PCGF3: variants seen among roughly 807,000 people sequenced by gnomAD.
PCGF3 encodes polycomb group ring finger 3.
In PCGF3, 7 loss-of-function variants were observed where a neutral mutation model predicts 33.1. The observed-to-expected ratio is 0.21, with a 90% CI of 0.12 to 0.40. PCGF3 has a LOEUF of 0.40. Ranked by LOEUF, PCGF3 falls within the 10% of genes least tolerant of loss-of-function variation. The probability of loss-of-function intolerance (pLI) is 1.00; values close to 1 mark genes in which losing one functional copy is unlikely to be tolerated. For synonymous variants in PCGF3, 153 were observed against 121.3 expected (o/e 1.26, Z -1.72); for missense variants, 211 against 313.3 (o/e 0.67, Z 2.46).
chr4:714,220 G>C (rs1742706237), intron 1 of PCGF3, among the ~76,000 whole-genome samples: 1 of 152,256 alleles, frequency 6.6e-6, no homozygotes, highest in South Asian at 2.1e-4. Context: ...AGAACTGAGA[G>C]GTGCGTTCTG....
At chr4:764,841 T>C in intron 9 of PCGF3, 143 bp from the exon 10 acceptor site, 1 of 620,820 alleles carries the variant, frequency 1.6e-6, no homozygotes. Flanking sequence ...GAGGAATACA[T>C]GAACCAGCCC....
intron 9 of PCGF3, among the ~76,000 whole-genome samples, chr4:763,246 C>T (rs1316878612): frequency 6.6e-6 from 1 of 152,154 alleles, no homozygotes; most frequent in Non-Finnish European, 1.5e-5. Flanking sequence ...TAGCTGGGGA[C>T]AGAGCAGGCC....
intron 1 of PCGF3, among the ~76,000 whole-genome samples, chr4:718,602 TG>T (rs1181599020): frequency 6.6e-6 from 1 of 152,254 alleles, no homozygotes; most frequent in African/African-American, 2.4e-5. Context: ...GCTCTGTGTG[TG>T]GCCCCCACAG....
At chr4:764,715 C>T (rs1745264864) in intron 9 of PCGF3, 4 of 370,826 alleles carry the variant, frequency 1.1e-5, no homozygotes, top group East Asian at 5.2e-5. Flanking sequence ...CCTGCAGAAA[C>T]GTCATCCCCC....
In PCGF3 at chr4:713,147, G is replaced by T. The variant is rs1397013640; in HGVS notation, c.-190+7177G>T. ...GGGCTGTGGCCTCGTGGGAGCTGTG[G>T]CTTTGTGAGTCCTGTGTGGCGTCAT... On this transcript the variant is annotated intron_variant, in intron 1 of 10. Transcript: ENST00000362003. Among the ~76,000 whole-genome samples, 3 of 149,020 alleles carry T rather than the reference G, an allele frequency of 2.0e-5. No homozygotes were observed. In the East Asian group the frequency reaches 6.1e-4, roughly 30 times the overall value.
At chr4:733,410 A>C (rs752818799) in intron 3 of PCGF3, among the ~76,000 whole-genome samples, 2 of 152,022 alleles carry the variant, frequency 1.3e-5, no homozygotes, top group Non-Finnish European at 2.9e-5. Context: ...GGAGGAGAGG[A>C]GGGGGTGTTG....
In PCGF3 at chr4:738,620, C is replaced by A. The variant is rs372320161; in HGVS notation, c.262+1099C>A. The stretch of plus-strand genomic sequence containing the variant: ...ATCCCAGCACTTTGGGAGGCCGAGG[C>A]GGGTGGATCATCAGGTCAAGAGTTT... On this transcript the variant is annotated intron_variant, in intron 6 of 10. Coordinates refer to ENST00000362003, the Ensembl canonical transcript of PCGF3. 1.1e-3 allele frequency among the ~76,000 whole-genome samples: 172 copies of A among 150,788 alleles called. 2 individuals are homozygous for A. In the South Asian group the frequency reaches 0.032, roughly 28 times the overall value.
intron 6 of PCGF3, among the ~76,000 whole-genome samples, chr4:738,467 G>A (rs771606179): frequency 2.6e-5 from 4 of 152,176 alleles, no homozygotes; most frequent in Non-Finnish European, 5.9e-5. Context: ...CTTAAGAAAC[G>A]TTTGCACCGA....
rs1027438985 is a variant in PCGF3, at chr4:730,625, C to T, written c.-189-5C>T. Reference sequence around the variant, plus strand: ...GGGTAACCCTGTTGTGCTTTTTCTCCGCAGGCGTCACAATGTAGCAGGGAC... The same window carrying T: ...GGGTAACCCTGTTGTGCTTTTTCTCTGCAGGCGTCACAATGTAGCAGGGAC... On this transcript the variant is annotated splice_region_variant and splice_polypyrimidine_tract_variant and intron_variant, in intron 1 of 10. Transcript: ENST00000362003. The T allele has an allele frequency of 5.3e-5, 9 of 169,484 alleles. No individual in the cohort carries two copies. The highest frequency in any genetic ancestry group is 2.5e-4 in the Admixed American group (4 of 15,704). The allele number at this position is 169,484 out of a possible 1,614,324, so 10.5% of individuals were successfully genotyped here.
At chr4:770,008 G>A (rs150854356) in exon 11 of PCGF3, 60 of 152,676 alleles carry the variant, frequency 3.9e-4, no homozygotes, top group African/African-American at 1.4e-3. Flanking sequence ...TAAATGTTTT[G>A]ATTTTATGAT....
intron 8 of PCGF3, among the ~76,000 whole-genome samples, chr4:755,108 C>T (rs1744710399): frequency 6.6e-6 from 1 of 152,244 alleles, no homozygotes; most frequent in Non-Finnish European, 1.5e-5. Context: ...ATGGTGACTG[C>T]TGTGTGCACA....
At chr4:729,027 A>T (rs1743440917) in intron 1 of PCGF3, among the ~76,000 whole-genome samples, 1 of 143,774 alleles carries the variant, frequency 7.0e-6, no homozygotes, top group Non-Finnish European at 1.5e-5. Flanking sequence ...TTGAATCTGG[A>T]AAGTGGAGGT....
chr4:722,930 G>A (rs1224563666), intron 1 of PCGF3, among the ~76,000 whole-genome samples: 1 of 122,512 alleles, frequency 8.2e-6, no homozygotes, highest in Non-Finnish European at 1.7e-5. Context: ...CGCCATCCAC[G>A]CCGGGTCCAC....
chr4:744,613 A>G (rs542629478), exon 8 of PCGF3: 6 of 1,558,160 alleles, frequency 3.9e-6, no homozygotes, highest in Admixed American at 3.9e-5. Context: ...AAACCAAAGC[A>G]GACGACAGTT....
chr4:710,994 A>G (rs1276566185), intron 1 of PCGF3, among the ~76,000 whole-genome samples: 1 of 152,268 alleles, frequency 6.6e-6, no homozygotes, highest in East Asian at 1.9e-4. Context: ...AAAATGCCGT[A>G]GGAGACGTGA....
intron 1 of PCGF3, among the ~76,000 whole-genome samples, chr4:709,935 GTT>G (rs1742495522): frequency 6.6e-6 from 1 of 152,120 alleles, no homozygotes; most frequent in East Asian, 1.9e-4. Context: ...ATCCTTTACT[GTT>G]TTTTAAACTT....
At chr4:743,670 C>T (rs1744191229) in intron 7 of PCGF3, 86 bp downstream of exon 7, 2 of 776,172 alleles carry the variant, frequency 2.6e-6, no homozygotes, top group Non-Finnish European at 4.4e-6. Context: ...TCTGCCGGCC[C>T]CTCCCACACG....
At chr4:723,815 T>A (rs1413657867) in intron 1 of PCGF3, 1 of 152,504 alleles carries the variant, frequency 6.6e-6, no homozygotes, top group Admixed American at 6.5e-5. Context: ...CCAGGTCTGG[T>A]GTGTGACGCG....
intron 1 of PCGF3, among the ~76,000 whole-genome samples, chr4:712,903 C>T (rs1742635382): frequency 6.6e-6 from 1 of 152,272 alleles, no homozygotes; most frequent in African/African-American, 2.4e-5. Context: ...GGAAATCTGT[C>T]TGCAGACTTC....
Sources: allele counts gnomAD v4.1 joint callset (sites outside exome capture counted in the v4.1 genomes callset), GRCh38; gene constraint gnomAD v4.1.1; transcripts MANE v1.5; gene names NCBI Gene and HGNC (gene_info 2026-07-23, HGNC 2026-07-21).